The following KCNC2 variants were observed in gnomAD, a reference collection of about 807,000 sequenced individuals.
KCNC2 encodes the protein potassium voltage-gated channel subfamily C member 2.
In KCNC2, 21 loss-of-function variants were observed where a neutral mutation model predicts 44.5. The observed-to-expected ratio is 0.47, with a 90% CI of 0.33 to 0.68. The LOEUF (loss-of-function observed/expected upper bound fraction) is 0.68. Ranked by LOEUF, KCNC2 falls within the 30% of genes least tolerant of loss-of-function variation. The pLI is 0.01. For synonymous variants in KCNC2, 391 were observed against 339.1 expected, an observed-to-expected ratio of 1.15 and a Z score of -1.68; for missense variants, 589 against 826.2, an observed-to-expected ratio of 0.71 and a Z score of 3.52.
At chr12:75,066,360 T>C (rs1882832582) in intron 2 of KCNC2, among the ~76,000 whole-genome samples, 1 of 152,174 alleles carries the variant, frequency 6.6e-6, no homozygotes, top group Admixed American at 6.5e-5. Context: ...ATACAGCAGG[T>C]CACTTATATA....
At chr12:75,158,014 AT>A (rs1254379803) in intron 2 of KCNC2, among the ~76,000 whole-genome samples, 11 of 151,804 alleles carry the variant, frequency 7.2e-5, no homozygotes, top group African/African-American at 2.7e-4. Flanking sequence ...TTGCATTTGG[AT>A]TTGGCAAAAT....
Position 75,043,033 on chromosome 12 carries a change from T to A in KCNC2, c.*72A>T. 6.3e-7 allele frequency: 1 copy of A among 1,585,474 alleles called. No homozygotes were observed. ...AGCCTGGAGTAACTCTACATTTAAT[T>A]ATTTCCATTATGGGGTAAACAGCAC... On this transcript the variant is annotated 3_prime_UTR_variant, in exon 5 of 5. Coordinates refer to ENST00000549446, the MANE Select transcript of KCNC2 (RefSeq NM_139137.4).
chr12:75,067,829 A>G (rs1242061130), intron 2 of KCNC2, among the ~76,000 whole-genome samples: 3 of 152,064 alleles, frequency 2.0e-5, no homozygotes, highest in Non-Finnish European at 4.4e-5. Context: ...GTCAAAGTGT[A>G]TCACATTCTC....
intron 2 of KCNC2, among the ~76,000 whole-genome samples, chr12:75,055,026 C>T (rs1245639598): frequency 6.6e-6 from 1 of 152,128 alleles, no homozygotes; most frequent in East Asian, 1.9e-4. Context: ...CATTGAATAA[C>T]ATTCAGCAAA....
At chr12:75,068,559 C>T (rs1883063767) in intron 2 of KCNC2, among the ~76,000 whole-genome samples, 1 of 152,086 alleles carries the variant, frequency 6.6e-6, no homozygotes, top group East Asian at 1.9e-4. Context: ...AGTAAAGCTA[C>T]ATAAACAAAT....
intron 2 of KCNC2, among the ~76,000 whole-genome samples, chr12:75,100,486 A>T (rs1886286435): frequency 6.6e-6 from 1 of 152,090 alleles, no homozygotes; most frequent in South Asian, 2.1e-4. Context: ...AAGAAAATGT[A>T]ATTTTCCAAG....
chr12:75,145,522 C>A (rs941087953), intron 2 of KCNC2, among the ~76,000 whole-genome samples: 1 of 150,904 alleles, frequency 6.6e-6, no homozygotes, highest in Non-Finnish European at 1.5e-5. Flanking sequence ...CTTTCAAAGT[C>A]TTTCTACATT....
intron 2 of KCNC2, among the ~76,000 whole-genome samples, chr12:75,112,686 A>G (rs570645283): frequency 6.6e-6 from 1 of 152,146 alleles, no homozygotes; most frequent in South Asian, 2.1e-4. Context: ...AAATATTCCC[A>G]AAATTTAGGC....
chr12:75,123,109 G>A (rs185732305), intron 2 of KCNC2, among the ~76,000 whole-genome samples: 3 of 151,920 alleles, frequency 2.0e-5, no homozygotes, highest in East Asian at 3.9e-4. Context: ...TGGAATATAG[G>A]CCTTTAAAAG....
chr12:75,199,757 C>T (rs148483976), intron 2 of KCNC2, among the ~76,000 whole-genome samples: 80 of 151,876 alleles, frequency 5.3e-4, no homozygotes, highest in Middle Eastern at 6.8e-3. Context: ...GTTCTATTGC[C>T]AATAGGTTGA....
At chr12:75,112,156 T>C (rs1887307301) in intron 2 of KCNC2, among the ~76,000 whole-genome samples, 1 of 151,884 alleles carries the variant, frequency 6.6e-6, no homozygotes, top group Admixed American at 6.6e-5. Flanking sequence ...AATACAAAAA[T>C]AAAAGATAAG....
At chr12:75,199,702 G>A (rs1056933252) in intron 2 of KCNC2, among the ~76,000 whole-genome samples, 1 of 151,782 alleles carries the variant, frequency 6.6e-6, no homozygotes, top group Non-Finnish European at 1.5e-5. Flanking sequence ...AGTCATCCCT[G>A]GGAAAACCCA....
chr12:75,121,548 G>T (rs571598231), intron 2 of KCNC2, among the ~76,000 whole-genome samples: 2 of 152,326 alleles, frequency 1.3e-5, no homozygotes, highest in African/African-American at 4.8e-5. Context: ...GATTGCCTTT[G>T]TCACAGGACC....
Position 75,042,767 on chromosome 12 carries a change from GC to G in KCNC2, c.*337del. ...AAATAAAGTTCCAATGAAGTGGTTGGCATTTGGAAGCACACTGTTTTAAATA... is the reference window on the plus strand; with the variant it reads ...AAATAAAGTTCCAATGAAGTGGTTGGATTTGGAAGCACACTGTTTTAAATA... On this transcript the variant is annotated 3_prime_UTR_variant, in exon 5 of 5. Coordinates refer to ENST00000549446, the MANE Select transcript of KCNC2 (RefSeq NM_139137.4). 1 of 1,150,024 alleles carries G rather than the reference GC, an allele frequency of 8.7e-7. No individual in the cohort carries two copies. Among genetic ancestry groups the G allele is most frequent in the African/African-American group, 1.6e-5 (1 of 62,310 alleles). The allele number at this position is 1,150,024 out of a possible 1,614,324, so 71.2% of individuals were successfully genotyped here. A position where few individuals can be genotyped will look rare whatever the true frequency, so the allele number is the denominator to read the frequency against.
intron 2 of KCNC2, among the ~76,000 whole-genome samples, chr12:75,126,340 C>A (rs1385616854): frequency 6.6e-6 from 1 of 152,168 alleles, no homozygotes; most frequent in East Asian, 1.9e-4. Flanking sequence ...ACATTGAAAT[C>A]TCTTTATTCA....
chr12:75,093,024 T>G (rs1885619137), intron 2 of KCNC2, among the ~76,000 whole-genome samples: 1 of 151,242 alleles, frequency 6.6e-6, no homozygotes, highest in Admixed American at 6.6e-5. Context: ...GCTTTTTTTT[T>G]TTTTAATCGT....
In KCNC2 at chr12:75,071,937, C is replaced by CAAAAAAAAAAA. The variant is rs751849483; in HGVS notation, c.688-20631_688-20621dup. Among the ~76,000 whole-genome samples, 30 of 67,348 alleles carry CAAAAAAAAAAA rather than the reference C, an allele frequency of 4.5e-4. 6 individuals carry two copies. The highest frequency in any genetic ancestry group is 2.2e-3 in the African/African-American group (27 of 12,362). The allele number at this position is 67,348 out of a possible 152,430, so 44.2% of individuals were successfully genotyped here. On this transcript the variant is annotated intron_variant, in intron 2 of 4. Coordinates refer to ENST00000549446, the MANE Select transcript of KCNC2 (RefSeq NM_139137.4). Reference sequence around the variant, plus strand: ...TGGGCGACAGAGCGAGACTCCTTCTCAAAAAAAAAAAAAAAAAAAAAAAAA... The same window carrying CAAAAAAAAAAA: ...TGGGCGACAGAGCGAGACTCCTTCTCAAAAAAAAAAAAAAAAAAAAAAAAAAAAAAAAAAAA...
intron 2 of KCNC2, among the ~76,000 whole-genome samples, chr12:75,201,584 C>G (rs11180402): frequency 0.34 from 51,907 of 151,518 alleles, 9,468 homozygotes; most frequent in African/African-American, 0.48. Flanking sequence ...GCGTAGGTCT[C>G]TTAGGTCTCA....
rs139729897 is a variant in KCNC2, at chr12:75,164,140, G to A, written c.687+43157C>T. Reference sequence around the variant, plus strand: ...AAGTTGGTCATTTGAGAAGAATACAGACTCAGGATCCGAGCATCATTAGCC... The same window carrying A: ...AAGTTGGTCATTTGAGAAGAATACAAACTCAGGATCCGAGCATCATTAGCC... On this transcript the variant is annotated intron_variant, in intron 2 of 4. Transcript: ENST00000549446. 1.5e-3 allele frequency among the ~76,000 whole-genome samples: 230 copies of A among 151,772 alleles called. 1 individual carries two copies. Among genetic ancestry groups the A allele is most frequent in the African/African-American group, 5.1e-3 (212 of 41,448 alleles).
Sources: gnomAD v4.1 joint callset for allele counts (sites outside exome capture counted in the v4.1 genomes callset) on GRCh38, gnomAD v4.1.1 for gene constraint, MANE v1.5 for transcripts, NCBI Gene and HGNC (gene_info 2026-07-23, HGNC 2026-07-21) for gene names.